GNL3L: variants seen among roughly 807,000 people sequenced by gnomAD.
GNL3L encodes G protein nucleolar 3 like, also known as guanine nucleotide-binding protein-like 3-like protein.
In GNL3L, 4 loss-of-function variants were observed where a neutral mutation model predicts 42.9. The ratio of observed to expected loss-of-function variants is 0.09; its 90% CI spans 0.05 to 0.21. The LOEUF (loss-of-function observed/expected upper bound fraction) is 0.21. Among genes scored for constraint, GNL3L ranks in the 10% least tolerant of loss-of-function variants. The pLI, the probability that GNL3L is intolerant of heterozygous loss-of-function variation, is 1.00. For synonymous variants in GNL3L, 159 were observed against 176.3 expected (o/e 0.90, Z 0.78); for missense variants, 412 against 481.7 (o/e 0.86, Z 1.36).
downstream of GNL3L, among the ~76,000 whole-genome samples, chrX:54,624,431 T>TC (rs1491566512): frequency 9.7e-6 from 1 of 103,369 alleles, no homozygotes; most frequent in Non-Finnish European, 2.0e-5. Flanking sequence ...CTTTTTTTTT[T>TC]CTTTTTCTTT....
intron 1 of GNL3L, among the ~76,000 whole-genome samples, chrX:54,531,909 C>A (rs965566452): frequency 3.6e-5 from 4 of 110,280 alleles, no homozygotes; most frequent in African/African-American, 9.9e-5. Flanking sequence ...AGACCCCAGG[C>A]ATATGCAGGC....
chrX:54,558,072 C>T (rs754886763), intron 14 of GNL3L, among the ~76,000 whole-genome samples: 2 of 109,806 alleles, frequency 1.8e-5, no homozygotes, highest in Non-Finnish European at 3.8e-5. Context: ...TTAGTAGAGA[C>T]GGGGTTTCAT....
intron 16 of GNL3L, among the ~76,000 whole-genome samples, chrX:54,574,904 G>A (rs1396916239): frequency 8.9e-6 from 1 of 111,917 alleles, no homozygotes; most frequent in Non-Finnish European, 1.9e-5. Context: ...TCATAAAATT[G>A]TTCATAGAAT....
chrX:54,592,494 A>G (rs1389189562), intron 16 of GNL3L, among the ~76,000 whole-genome samples: 1 of 111,600 alleles, frequency 9.0e-6, no homozygotes, highest in Non-Finnish European at 1.9e-5. Flanking sequence ...TTCTATACCC[A>G]ATTTTGTAGA....
intron 16 of GNL3L, among the ~76,000 whole-genome samples, chrX:54,578,032 C>T (rs7056504): frequency 0.018 from 2,061 of 111,850 alleles, 36 homozygotes; most frequent in African/African-American, 0.064. Flanking sequence ...TGTGAGCCAC[C>T]GCACCCGGCC....
the GNL3L span, among the ~76,000 whole-genome samples, chrX:54,643,506 T>C: frequency 9.0e-6 from 1 of 111,076 alleles, no homozygotes; most frequent in Non-Finnish European, 1.9e-5. Flanking sequence ...TTATGGGTTG[T>C]ACATGCCTAT....
intron 9 of GNL3L, 42 bp downstream of exon 9, chrX:54,548,415 T>C (rs200917178): frequency 0.01 from 11,415 of 1,090,446 alleles, 53 homozygotes; most frequent in Non-Finnish European, 0.013. Flanking sequence ...GCTTCTTTCT[T>C]GAGCGGACAC....
At position 54,560,695 on chromosome X, in the gene GNL3L, G is replaced by A. The variant is rs1028204918; in HGVS notation, c.*93G>A. 20 of 578,914 alleles carry A rather than the reference G, an allele frequency of 3.5e-5. No individual in the cohort carries two copies. The highest frequency in any genetic ancestry group is 5.6e-5 in the Non-Finnish European group (19 of 337,638). The allele number at this position is 578,914 out of a possible 1,213,427, so 47.7% of individuals were successfully genotyped here. ...TAGTTTGGTTCTCCCTGAAGCATCT[G>A]CATATTGAAAGAACGCTTTCCCCAC... is the stretch of plus-strand genomic sequence containing the variant. On this transcript the variant is annotated 3_prime_UTR_variant, in exon 16 of 16. Coordinates refer to ENST00000360845, the MANE Select transcript of GNL3L (RefSeq NM_001184819.2).
At chrX:54,588,170 A>G (rs1413122474) in intron 16 of GNL3L, among the ~76,000 whole-genome samples, 1 of 111,625 alleles carries the variant, frequency 9.0e-6, no homozygotes, top group Non-Finnish European at 1.9e-5. Context: ...GGACAGCTTT[A>G]TGTCTTCCTT....
intron 16 of GNL3L, among the ~76,000 whole-genome samples, chrX:54,579,986 GTTTTTTTTT>G (rs869217575): frequency 4.2e-3 from 198 of 47,678 alleles, no homozygotes; most frequent in Non-Finnish European, 4.2e-3. Flanking sequence ...CCTAAAGTTT[GTTTTTTTTT>G]TTTTTTTTTT....
At chrX:54,630,662 T>TTCC in the GNL3L span, among the ~76,000 whole-genome samples, 2,098 of 53,347 alleles carry the variant, frequency 0.039, 155 homozygotes, top group African/African-American at 0.14. Flanking sequence ...TTTCTCCTTC[T>TTCC]TTCCTTCCTT....
downstream of GNL3L, among the ~76,000 whole-genome samples, chrX:54,567,968 C>CTTT (rs537874465): frequency 3.2e-5 from 3 of 95,089 alleles, no homozygotes; most frequent in African/African-American, 8.0e-5. Context: ...ATGTATTATT[C>CTTT]TTTTTTTTTT....
chrX:54,610,816 G>C (rs1300898645), intron 16 of GNL3L, among the ~76,000 whole-genome samples: 5 of 110,887 alleles, frequency 4.5e-5, no homozygotes, highest in African/African-American at 1.6e-4. Context: ...TTTCTTTTTT[G>C]GTTATATCCT....
At chrX:54,536,935 G>C (rs1215347804) in intron 2 of GNL3L, among the ~76,000 whole-genome samples, 1 of 110,831 alleles carries the variant, frequency 9.0e-6, no homozygotes, top group East Asian at 2.8e-4. Context: ...CAAAGTAAGA[G>C]TGATCTGTTG....
chrX:54,622,631 A>G (rs1421537021), downstream of GNL3L, among the ~76,000 whole-genome samples: 1 of 110,767 alleles, frequency 9.0e-6, no homozygotes, highest in Non-Finnish European at 1.9e-5. Context: ...CACTTATCAG[A>G]TATATAATTT....
At chrX:54,637,119 T>C in the GNL3L span, among the ~76,000 whole-genome samples, 3 of 111,839 alleles carry the variant, frequency 2.7e-5, no homozygotes, top group East Asian at 8.4e-4. Flanking sequence ...AAGTTGGTTC[T>C]GTCAGTTTCT....
chrX:54,532,472 T>C, intron 1 of GNL3L, 48 bp from the exon 2 acceptor site: 3 of 696,012 alleles, frequency 4.3e-6, no homozygotes, highest in Non-Finnish European at 7.0e-6. Context: ...GCTTGTGGCA[T>C]TGTGATTCCC....
intron 16 of GNL3L, among the ~76,000 whole-genome samples, chrX:54,605,991 T>C (rs1387591078): frequency 1.8e-5 from 2 of 111,791 alleles, no homozygotes. Flanking sequence ...CTGGGTGAAT[T>C]GGTTCTTGAA....
At chrX:54,605,954 A>G (rs1414242291) in intron 16 of GNL3L, among the ~76,000 whole-genome samples, 1 of 111,225 alleles carries the variant, frequency 9.0e-6, no homozygotes, top group Non-Finnish European at 1.9e-5. Flanking sequence ...GAAAATTTCT[A>G]TATAGGAGGG....
Sources: allele counts gnomAD v4.1 joint callset (sites outside exome capture counted in the v4.1 genomes callset), GRCh38; gene constraint gnomAD v4.1.1; transcripts MANE v1.5; gene names NCBI Gene and HGNC (gene_info 2026-07-23, HGNC 2026-07-21).